The following MAMLD1 variants were observed in gnomAD, a reference collection of about 807,000 sequenced individuals.
MAMLD1 encodes mastermind like domain containing 1, also known as mastermind-like domain-containing protein 1.
MAMLD1 carries 14 observed loss-of-function variants against 45.0 expected under a neutral mutation model. That is an observed-to-expected ratio of 0.31 (90% CI 0.21 to 0.49). The LOEUF (loss-of-function observed/expected upper bound fraction) is 0.49, where lower values mean the gene tolerates loss of function less well. Ranked by LOEUF, MAMLD1 falls within the 20% of genes least tolerant of loss-of-function variation. The pLI is 0.99. For missense variants in MAMLD1, 543 were observed against 603.6 expected (o/e 0.90, Z 1.05); for synonymous variants, 254 against 247.8 (o/e 1.02, Z -0.24).
At chrX:150,492,721 G>A (rs1316853665) in intron 5 of MAMLD1, among the ~76,000 whole-genome samples, 2 of 112,073 alleles carry the variant, frequency 1.8e-5, no homozygotes, top group Non-Finnish European at 3.8e-5. Flanking sequence ...CACACACAAA[G>A]GCTAAGTCCC....
chrX:150,414,038 A>AAAAAAAAAAAAAAAAAAAAAAAC (rs2034191705), intron 1 of MAMLD1, among the ~76,000 whole-genome samples: 1 of 104,837 alleles, frequency 9.5e-6, no homozygotes, highest in Non-Finnish European at 2.0e-5. Flanking sequence ...CAAAAAAAAA[A>AAAAAAAAAAAAAAAAAAAAAAAC]AAAAAAAAAA....
chrX:150,368,056 A>G (rs1362695943), intron 1 of MAMLD1, among the ~76,000 whole-genome samples: 4 of 111,340 alleles, frequency 3.6e-5, no homozygotes, highest in East Asian at 2.8e-4. Context: ...ATGATTTATA[A>G]TCCTTTGGGT....
chrX:150,371,334 G>A (rs2031970471), intron 1 of MAMLD1, among the ~76,000 whole-genome samples: 1 of 111,314 alleles, frequency 9.0e-6, no homozygotes, highest in Admixed American at 9.6e-5. Context: ...GGATGGAGTG[G>A]ACCAGGTGAT....
intron 2 of MAMLD1, among the ~76,000 whole-genome samples, chrX:150,452,944 T>C: frequency 9.0e-6 from 1 of 111,166 alleles, no homozygotes; most frequent in South Asian, 3.9e-4. Context: ...TCGGAGCACC[T>C]GAGAACGGGC....
In MAMLD1 at chrX:150,367,424, G is replaced by C. The variant is rs148405642; in HGVS notation, c.-64+3894G>C. ...TCACCTAAAGGCATAAAATGCACCT[G>C]TTAATGGATGGTCCCTAGGAAACTC... is the stretch of plus-strand genomic sequence containing the variant. On this transcript the variant is annotated intron_variant, in intron 1 of 7. Transcript: ENST00000370401. Among the ~76,000 whole-genome samples, 475 of 111,869 alleles carry C rather than the reference G, an allele frequency of 4.2e-3. 5 individuals carry two copies. The highest frequency in any genetic ancestry group is 0.014 in the African/African-American group (442 of 30,754).
intron 1 of MAMLD1, among the ~76,000 whole-genome samples, chrX:150,388,515 A>G (rs904535848): frequency 2.7e-5 from 3 of 112,241 alleles, no homozygotes; most frequent in Non-Finnish European, 5.6e-5. Context: ...ACAATTATGA[A>G]TTCAACTTCC....
Position 150,471,171 on chromosome X carries a change from C to G in MAMLD1, c.1598C>G (p.Ala533Gly), listed in dbSNP as rs1373065538. The change falls in exon 4 of 8, where the codon GCC becomes GGC. Residue 533 changes from alanine (A) to glycine (G), a missense_variant. Ala to Gly is a moderately conservative substitution (Grantham distance 60). Transcript: ENST00000370401. The stretch of plus-strand genomic sequence containing the variant: ...GGGATGGCAAGCTCCAGCCCAGGAG[C>G]CACGGAGCCATTTACTTTTGGCAAC... Reference protein sequence around the residue: ...QQGMASSSPGATEPFTFGNTK... With the variant: ...QQGMASSSPGGTEPFTFGNTK... The G allele has an allele frequency of 8.3e-7, 1 of 1,210,119 alleles. No homozygotes were observed. Among genetic ancestry groups the G allele is most frequent in the Non-Finnish European group, 1.1e-6 (1 of 895,290 alleles).
rs782138244 is a variant in MAMLD1, at chrX:150,470,185, A to G, written c.612A>G (p.Pro204=). Residue 204 remains proline, a synonymous_variant, in exon 4 of 8, where the codon CCA becomes CCG. Coordinates refer to ENST00000370401, the MANE Select transcript of MAMLD1 (RefSeq NM_005491.5). ...LDLEKILGTK[P]EEPLVLDHPQ... is the part of the protein sequence containing the mutation. The stretch of plus-strand genomic sequence containing the variant: ...TTGAGAAGATACTGGGGACGAAGCC[A>G]GAAGAGCCACTGGTTTTAGATCATC... 8.3e-7 allele frequency: 1 copy of G among 1,210,212 alleles called. No homozygotes were observed. Among genetic ancestry groups the G allele is most frequent in the Non-Finnish European group, 1.1e-6 (1 of 895,308 alleles).
intron 2 of MAMLD1, among the ~76,000 whole-genome samples, chrX:150,452,276 C>T (rs908310196): frequency 2.7e-5 from 3 of 112,188 alleles, no homozygotes; most frequent in Non-Finnish European, 5.6e-5. Flanking sequence ...GGTTCATTCA[C>T]ATCCGCAGAT....
chrX:150,473,695 T>A lies in MAMLD1; in HGVS notation c.1933T>A (p.Phe645Ile), dbSNP rs782172986. ...TTTATTATAGGGCTGTTGCCATCTG[T>A]TTGCATGGACTTCTGCAGCTAGCTC... Reference protein sequence around the residue: ...ALPRQGCCHLFAWTSAASSVK... With the variant: ...ALPRQGCCHLIAWTSAASSVK... The change falls in exon 5 of 8, where the codon TTT (phenylalanine) becomes ATT (isoleucine). Residue 645 changes from phenylalanine to isoleucine, a missense_variant. Phe to Ile is a conservative substitution (Grantham distance 21). Coordinates refer to ENST00000370401, the MANE Select transcript of MAMLD1 (RefSeq NM_005491.5). 52 of 1,209,356 alleles carry A rather than the reference T, an allele frequency of 4.3e-5. No homozygotes were observed. In the South Asian group the frequency reaches 7.4e-4, roughly 17 times the overall value.
chrX:150,368,263 G>C (rs1190758712), intron 1 of MAMLD1, among the ~76,000 whole-genome samples: 1 of 111,258 alleles, frequency 9.0e-6, no homozygotes, highest in Non-Finnish European at 1.9e-5. Flanking sequence ...TAACTGGTGT[G>C]AGATGGTATC....
intron 1 of MAMLD1, among the ~76,000 whole-genome samples, chrX:150,429,907 G>A (rs1439081703): frequency 9.1e-6 from 1 of 109,655 alleles, no homozygotes. Context: ...AATAGCTAAT[G>A]ATGTTGAACG....
At chrX:150,421,030 C>T (rs1283246945) in intron 1 of MAMLD1, 9 of 116,962 alleles carry the variant, frequency 7.7e-5, no homozygotes, top group Non-Finnish European at 1.4e-4. Flanking sequence ...GGCGCCCCTC[C>T]CCCAGCCTCG....
intron 1 of MAMLD1, among the ~76,000 whole-genome samples, chrX:150,387,065 C>A (rs1557402078): frequency 2.7e-5 from 3 of 111,430 alleles, no homozygotes; most frequent in Non-Finnish European, 1.9e-5. Flanking sequence ...TTATTCCTTA[C>A]TATAGACATT....
Position 150,420,556 on chromosome X carries a change from A to C in MAMLD1, c.-63-24898A>C, listed in dbSNP as rs893623087. Among the ~76,000 whole-genome samples the C allele has an allele frequency of 3.2e-3, 354 of 111,416 alleles. 2 individuals carry two copies. Among genetic ancestry groups the C allele is most frequent in the Non-Finnish European group, 4.5e-3 (237 of 52,981 alleles). ...CCAGTTTTTCTGTTCTGTTTTTTCC[A>C]CATCTTTGTTGTTTTATCTACTTTT... On this transcript the variant is annotated intron_variant, in intron 1 of 7. Transcript: ENST00000370401.
chrX:150,431,566 C>T (rs2034947843), intron 1 of MAMLD1, among the ~76,000 whole-genome samples: 1 of 110,451 alleles, frequency 9.1e-6, no homozygotes, highest in Admixed American at 9.7e-5. Context: ...CACCCTCTTC[C>T]CTCCGTCCAC....
chrX:150,470,734 A>T lies in MAMLD1; in HGVS notation c.1161A>T (p.Leu387Phe), dbSNP rs1557406392. The T allele has an allele frequency of 8.3e-7, 1 of 1,211,722 alleles. No individual in the cohort carries two copies. The stretch of plus-strand genomic sequence containing the variant: ...CTCTCCGAGGCTCTCCCAATGCCTT[A>T]CTGTCAAGCATGACGTCCAGCAGCA... ...GSTLRGSPNA[L>F]LSSMTSSSNA... Residue 387 changes from leucine (L) to phenylalanine (F), a missense_variant, in exon 4 of 8, where the codon TTA (leucine) becomes TTT (phenylalanine). Transcript: ENST00000370401.
In MAMLD1 at chrX:150,469,856, A is replaced by G. The variant is rs1557406229; in HGVS notation, c.283A>G (p.Met95Val). 8.3e-7 allele frequency: 1 copy of G among 1,209,476 alleles called. No individual in the cohort carries two copies. Among genetic ancestry groups the G allele is most frequent in the African/African-American group, 1.8e-5 (1 of 57,054 alleles). ...RPCLEDVTLAMGPGAHPSTAC... is the reference protein window; with the variant it reads ...RPCLEDVTLAVGPGAHPSTAC... ...TTGCCTTGAAGATGTCACCCTTGCA[A>G]TGGGCCCAGGTGCTCATCCTAGTAC... Residue 95 changes from methionine to valine, a missense_variant, in exon 4 of 8, where the codon ATG (methionine) becomes GTG (valine). Physicochemically the swap from Met to Val is conservative, Grantham distance 21 (BLOSUM62 1). Transcript: ENST00000370401.
intron 4 of MAMLD1, among the ~76,000 whole-genome samples, chrX:150,473,220 C>T: frequency 8.9e-6 from 1 of 112,334 alleles, no homozygotes; most frequent in Non-Finnish European, 1.9e-5. Context: ...CCCACATTTT[C>T]TCTCCTGTCC....
Sources: gnomAD v4.1 joint callset for allele counts (sites outside exome capture counted in the v4.1 genomes callset) on GRCh38, gnomAD v4.1.1 for gene constraint, MANE v1.5 for transcripts, NCBI Gene and HGNC (gene_info 2026-07-23, HGNC 2026-07-21) for gene names.